The following INPP4B variants were observed in gnomAD, a reference collection of about 807,000 sequenced individuals.
The protein encoded by INPP4B is inositol polyphosphate-4-phosphatase type II B, also known as inositol polyphosphate 4-phosphatase type II.
In INPP4B, 55 loss-of-function variants were observed where a neutral mutation model predicts 122.5. The observed-to-expected ratio is 0.45, with a 90% CI of 0.36 to 0.56. The LOEUF (loss-of-function observed/expected upper bound fraction) is 0.56, where lower values mean the gene tolerates loss of function less well. Ranked by LOEUF, INPP4B falls within the 20% of genes least tolerant of loss-of-function variation. INPP4B has a pLI of 0.00. For missense variants in INPP4B, 1,000 were observed against 1,097.7 expected, an observed-to-expected ratio of 0.91 and a Z score of 1.26; for synonymous variants, 403 against 388.7, an observed-to-expected ratio of 1.04 and a Z score of -0.43.
At position 142,526,162 on chromosome 4, in the gene INPP4B, A is replaced by T. The variant is rs1485043408; in HGVS notation, c.-190-63436T>A. ...ATAAAATAGTTATCAATACATGTGTATCTAGTGACTTCCCTTTCTGGCACC... is the reference window on the plus strand; with the variant it reads ...ATAAAATAGTTATCAATACATGTGTTTCTAGTGACTTCCCTTTCTGGCACC... On this transcript the variant is annotated intron_variant, in intron 2 of 25. Coordinates refer to ENST00000262992, the MANE Select transcript of INPP4B (RefSeq NM_001101669.3). 5.9e-5 allele frequency among the ~76,000 whole-genome samples: 9 copies of T among 152,088 alleles called. 1 individual carries two copies.
At chr4:142,795,102 C>T (rs772312080) in intron 1 of INPP4B, 13 of 151,664 alleles carry the variant, frequency 8.6e-5, no homozygotes, top group Admixed American at 2.0e-4. Context: ...GAATAACTAC[C>T]GGTGTATGCA....
intron 1 of INPP4B, among the ~76,000 whole-genome samples, chr4:142,731,170 C>T (rs1199933735): frequency 6.6e-6 from 1 of 152,058 alleles, no homozygotes; most frequent in Non-Finnish European, 1.5e-5. Context: ...TGTATTGTTC[C>T]CCTCCCTGTG....
chr4:142,066,581 A>G (rs1342434510), intron 25 of INPP4B, among the ~76,000 whole-genome samples: 1 of 152,226 alleles, frequency 6.6e-6, no homozygotes, highest in African/African-American at 2.4e-5. Flanking sequence ...TAGCAAAGGA[A>G]GCCGTGACAG....
intron 5 of INPP4B, among the ~76,000 whole-genome samples, chr4:142,420,425 C>A (rs527905447): frequency 6.6e-6 from 1 of 152,176 alleles, no homozygotes; most frequent in Non-Finnish European, 1.5e-5. Flanking sequence ...TGAATTTAAA[C>A]CAGTGTCACT....
intron 12 of INPP4B, among the ~76,000 whole-genome samples, chr4:142,228,605 A>G (rs1852675274): frequency 6.6e-6 from 1 of 152,072 alleles, no homozygotes; most frequent in Non-Finnish European, 1.5e-5. Context: ...ATGCTAACTA[A>G]TAAATTCCAA....
chr4:142,502,861 AT>A (rs1287995422), intron 2 of INPP4B, among the ~76,000 whole-genome samples: 1 of 152,092 alleles, frequency 6.6e-6, no homozygotes, highest in East Asian at 1.9e-4. Context: ...TCCTTGCTCC[AT>A]GCCTTGCAAA....
Position 142,122,226 on chromosome 4 carries a change from T to C in INPP4B, c.2037A>G (p.Leu679=), listed in dbSNP as rs769401418. The C allele has an allele frequency of 1.4e-5, 23 of 1,610,630 alleles. No individual in the cohort carries two copies. In the South Asian group the frequency reaches 1.7e-4, roughly 12 times the overall value. ...CGGAAATGCCAACGGCCATGTCCTC[T>C]AGCATTCCAATTTCATCGCCTAAAC... is the stretch of plus-strand genomic sequence containing the variant. ...LSTYSDEIGM[L]EDMAVGISDL... Residue 679 remains leucine (L), a synonymous_variant, in exon 21 of 26, where the codon CTA becomes CTG. Transcript: ENST00000262992.
intron 16 of INPP4B, among the ~76,000 whole-genome samples, chr4:142,164,070 AC>A (rs1172280018): frequency 2.0e-5 from 3 of 151,876 alleles, no homozygotes; most frequent in Admixed American, 6.6e-5. Context: ...CCTTAAAAAA[AC>A]GAAATGTTTT....
rs756193293 is a variant in INPP4B, at chr4:142,233,200, A to ATG, written c.836+4662_836+4663dup. On this transcript the variant is annotated intron_variant, in intron 12 of 25. Coordinates refer to ENST00000262992, the MANE Select transcript of INPP4B (RefSeq NM_001101669.3). ...GGTATGCATGTGTGTGTGTCTGTAT[A>ATG]TGTGTGTGTGTGTGTGTGAGTGAGT... is the stretch of plus-strand genomic sequence containing the variant. 2.8e-3 allele frequency among the ~76,000 whole-genome samples: 410 copies of ATG among 145,710 alleles called. 1 individual carries two copies. The highest frequency in any genetic ancestry group is 5.1e-3 in the African/African-American group (199 of 38,714).
intron 2 of INPP4B, among the ~76,000 whole-genome samples, chr4:142,666,307 T>TTTAGATATATAAAAATGTATATATAA (rs1488470487): frequency 6.6e-6 from 1 of 152,092 alleles, no homozygotes; most frequent in African/African-American, 2.4e-5. Flanking sequence ...TTTAGATTCA[T>TTTAGATATATAAAAATGTATATATAA]TTCATAAAGT....
chr4:142,181,628 TATTCATTC>T (rs568375218), intron 15 of INPP4B, among the ~76,000 whole-genome samples: 6 of 152,200 alleles, frequency 3.9e-5, no homozygotes, highest in East Asian at 1.9e-4. Context: ...ATAGTTTGCT[TATTCATTC>T]ATTCATTCAT....
intron 2 of INPP4B, among the ~76,000 whole-genome samples, chr4:142,620,271 G>A (rs1322190408): frequency 6.6e-6 from 1 of 151,772 alleles, no homozygotes; most frequent in Non-Finnish European, 1.5e-5. Context: ...CATCAACTGT[G>A]GACTGGATAA....
At chr4:142,477,608 C>T (rs1208891254) in intron 2 of INPP4B, among the ~76,000 whole-genome samples, 1 of 151,988 alleles carries the variant, frequency 6.6e-6, no homozygotes, top group Admixed American at 6.6e-5. Flanking sequence ...ACCACTTGAC[C>T]TCACAGAAAT....
chr4:142,234,719 G>C (rs1335062348), intron 12 of INPP4B, among the ~76,000 whole-genome samples: 1 of 152,098 alleles, frequency 6.6e-6, no homozygotes, highest in African/African-American at 2.4e-5. Context: ...TATACCTTTT[G>C]TTTTTGTAGA....
At chr4:142,462,056 A>G (rs1816848267) in intron 3 of INPP4B, among the ~76,000 whole-genome samples, 1 of 151,844 alleles carries the variant, frequency 6.6e-6, no homozygotes, top group South Asian at 2.1e-4. Flanking sequence ...TTCTTCTTTC[A>G]ATTATTTTCT....
chr4:142,415,169 C>T (rs1444752495), intron 5 of INPP4B, among the ~76,000 whole-genome samples: 1 of 152,046 alleles, frequency 6.6e-6, no homozygotes, highest in Admixed American at 6.6e-5. Flanking sequence ...AAGCATATGG[C>T]CCATGAGTGG....
chr4:142,197,846 T>C (rs1838992474), intron 14 of INPP4B, among the ~76,000 whole-genome samples: 1 of 152,168 alleles, frequency 6.6e-6, no homozygotes, highest in African/African-American at 2.4e-5. Context: ...TGAGATTAAA[T>C]AATGTGTCTA....
At chr4:142,500,510 C>T (rs1823227709) in intron 2 of INPP4B, among the ~76,000 whole-genome samples, 1 of 152,210 alleles carries the variant, frequency 6.6e-6, no homozygotes, top group African/African-American at 2.4e-5. Flanking sequence ...GGAGCCATCC[C>T]TTTGAAATGT....
At chr4:142,070,899 T>C (rs1221377025) in intron 25 of INPP4B, among the ~76,000 whole-genome samples, 2 of 152,036 alleles carry the variant, frequency 1.3e-5, no homozygotes, top group Non-Finnish European at 2.9e-5. Context: ...ATCATGAAAA[T>C]GGCCATACTG....
Sources: gnomAD v4.1 joint callset for allele counts (sites outside exome capture counted in the v4.1 genomes callset) on GRCh38, gnomAD v4.1.1 for gene constraint, MANE v1.5 for transcripts, NCBI Gene and HGNC (gene_info 2026-07-23, HGNC 2026-07-21) for gene names.